Variants in PARD3B observed in about 807,000 individuals in gnomAD.
PARD3B encodes the protein partitioning defective 3 homolog B.
A neutral mutation model predicts 130.2 loss-of-function variants in PARD3B; 103 were observed. The ratio of observed to expected loss-of-function variants is 0.79; its 90% CI spans 0.67 to 0.93. The LOEUF is 0.93. Ranked by LOEUF, PARD3B falls within the 40% of genes least tolerant of loss-of-function variation. PARD3B has a pLI of 0.00. For synonymous variants in PARD3B, 583 were observed against 553.2 expected (o/e 1.05, Z -0.76); for missense variants, 1,609 against 1,499.2 (o/e 1.07, Z -1.21).
At chr2:205,103,829 C>T in intron 4 of PARD3B, 1 of 776,066 alleles carries the variant, frequency 1.3e-6, no homozygotes, top group Non-Finnish European at 1.6e-6. Flanking sequence ...GACCCTCTAA[C>T]CTTTCTGTAG....
intron 22 of PARD3B, among the ~76,000 whole-genome samples, chr2:205,582,098 C>A (rs1316839579): frequency 6.6e-6 from 1 of 152,214 alleles, no homozygotes; most frequent in African/African-American, 2.4e-5. Flanking sequence ...CTTGGGGTAC[C>A]TTTCCTGTAG....
At chr2:204,597,591 G>A (rs2033351292) in intron 1 of PARD3B, among the ~76,000 whole-genome samples, 1 of 152,180 alleles carries the variant, frequency 6.6e-6, no homozygotes, top group South Asian at 2.1e-4. Flanking sequence ...AGCAGGTGAT[G>A]TTGACCCTTT....
intron 1 of PARD3B, among the ~76,000 whole-genome samples, chr2:204,563,414 A>C (rs2031474417): frequency 6.6e-6 from 1 of 152,044 alleles, no homozygotes; most frequent in Admixed American, 6.5e-5. Context: ...TGGGATCTCA[A>C]CATACTGTGT....
intron 2 of PARD3B, among the ~76,000 whole-genome samples, chr2:204,883,996 C>G (rs1348967744): frequency 1.3e-5 from 2 of 152,082 alleles, no homozygotes; most frequent in Admixed American, 1.3e-4. Context: ...CTTGGCCTCC[C>G]AAAGTGTTGG....
At chr2:204,999,282 AAGG>A (rs1419595663) in intron 3 of PARD3B, among the ~76,000 whole-genome samples, 1 of 152,194 alleles carries the variant, frequency 6.6e-6, no homozygotes, top group African/African-American at 2.4e-5. Context: ...TAAGGAAAGA[AAGG>A]AGATGGAAGG....
chr2:204,980,926 T>C (rs948612142), intron 3 of PARD3B, among the ~76,000 whole-genome samples: 3 of 152,222 alleles, frequency 2.0e-5, no homozygotes, highest in Non-Finnish European at 4.4e-5. Flanking sequence ...TTAATAGTAA[T>C]GTATAAATGT....
intron 19 of PARD3B, among the ~76,000 whole-genome samples, chr2:205,403,810 T>A (rs1393380366): frequency 6.6e-6 from 1 of 152,186 alleles, no homozygotes; most frequent in Non-Finnish European, 1.5e-5. Context: ...TGAAAAATGA[T>A]ACACAGGATT....
Position 205,421,378 on chromosome 2 carries a change from T to G in PARD3B, c.2742-18992T>G, listed in dbSNP as rs535833835. 2.9e-4 allele frequency among the ~76,000 whole-genome samples: 44 copies of G among 152,302 alleles called. No homozygotes were observed. The highest frequency in any genetic ancestry group is 1.0e-3 in the African/African-American group (42 of 41,572). ...CCAATATAATTGTTATGTTTAACATTTAGAGCCATTTATGTGGGTTTCCTC... is the reference window on the plus strand; with the variant it reads ...CCAATATAATTGTTATGTTTAACATGTAGAGCCATTTATGTGGGTTTCCTC... On this transcript the variant is annotated intron_variant, in intron 19 of 22. Transcript: ENST00000406610. The surrounding 1 kb of genome is among the most constrained non-coding windows in gnomAD (Gnocchi z 5.1).
chr2:204,785,310 A>G (rs2041971665), intron 2 of PARD3B, among the ~76,000 whole-genome samples: 1 of 152,080 alleles, frequency 6.6e-6, no homozygotes, highest in Non-Finnish European at 1.5e-5. Flanking sequence ...TTCCCCGTGT[A>G]ATCTGGCACC....
At position 205,452,699 on chromosome 2, in the gene PARD3B, C is replaced by T. The variant is rs562851570; in HGVS notation, c.3044+12027C>T. On this transcript the variant is annotated intron_variant, in intron 20 of 22. Coordinates refer to ENST00000406610, the MANE Select transcript of PARD3B (RefSeq NM_001302769.2). ...TTGATGTTCTCATTAATTTTTTTCC[C>T]GTCGTCTGAGAGCCCTACCCTTGGG... is the stretch of plus-strand genomic sequence containing the variant. Among the ~76,000 whole-genome samples, 7 of 152,162 alleles carry T rather than the reference C, an allele frequency of 4.6e-5. No homozygotes were observed. In the East Asian group the frequency reaches 1.4e-3, roughly 29 times the overall value.
At chr2:205,299,872 T>C (rs192240821) in intron 16 of PARD3B, among the ~76,000 whole-genome samples, 69 of 152,352 alleles carry the variant, frequency 4.5e-4, no homozygotes, top group African/African-American at 1.3e-3. Flanking sequence ...AAAGTTGTTT[T>C]CTTTCTTGCT....
rs146481821 is a variant in PARD3B at position 205,120,239 on chromosome 2, G to A, written c.806+1193G>A. 6.1e-3 allele frequency among the ~76,000 whole-genome samples: 930 copies of A among 152,186 alleles called. 41 individuals carry two copies. Among genetic ancestry groups the A allele is most frequent in the Admixed American group, 0.052 (802 of 15,278 alleles). On this transcript the variant is annotated intron_variant, in intron 7 of 22. Transcript: ENST00000406610. ...CACAAGGACTTGATAATTATGCAAA[G>A]CAATCATTATTACTTCTGTTTTATA... is the stretch of plus-strand genomic sequence containing the variant.
intron 3 of PARD3B, among the ~76,000 whole-genome samples, chr2:205,002,939 C>T (rs1335397009): frequency 3.3e-5 from 5 of 152,184 alleles, no homozygotes; most frequent in Non-Finnish European, 2.9e-5. Context: ...CCTTGTAGGG[C>T]AAACACCACA....
chr2:204,664,905 A>G lies in PARD3B; in HGVS notation c.121-21276A>G, dbSNP rs2035958764. ...TCATTCTTTACCATGTTTGTTGGGC[A>G]TTAGTTTAAAAGCCTAGCATTTAAT... On this transcript the variant is annotated intron_variant, in intron 1 of 22. Coordinates refer to ENST00000406610, the MANE Select transcript of PARD3B (RefSeq NM_001302769.2). The surrounding 1 kb of genome is among the most constrained non-coding windows in gnomAD (Gnocchi z 5.2). Among the ~76,000 whole-genome samples, 1 of 152,160 alleles carries G rather than the reference A, an allele frequency of 6.6e-6. No homozygotes were observed. Among genetic ancestry groups the G allele is most frequent in the Non-Finnish European group, 1.5e-5 (1 of 68,028 alleles).
chr2:204,656,958 A>C (rs886738184), intron 1 of PARD3B, among the ~76,000 whole-genome samples: 4 of 152,178 alleles, frequency 2.6e-5, no homozygotes, highest in Non-Finnish European at 5.9e-5. Flanking sequence ...CTGAGCCATT[A>C]AGAGTAAGAT....
chr2:205,579,216 C>T (rs536488586), intron 22 of PARD3B, among the ~76,000 whole-genome samples: 30 of 152,004 alleles, frequency 2.0e-4, no homozygotes, highest in Admixed American at 1.6e-3. Flanking sequence ...TCAAAATGGT[C>T]GGGGGTGGAG....
rs189412404 is a variant in PARD3B, at chr2:204,810,119, G to A, written c.222+123837G>A. Among the ~76,000 whole-genome samples the A allele has an allele frequency of 3.8e-3, 575 of 151,938 alleles. 6 individuals carry two copies. Among genetic ancestry groups the A allele is most frequent in the African/African-American group, 0.012 (517 of 41,456 alleles). On this transcript the variant is annotated intron_variant, in intron 2 of 22. Coordinates refer to ENST00000406610, the MANE Select transcript of PARD3B (RefSeq NM_001302769.2). Reference sequence around the variant, plus strand: ...TTAATCCTGAAATTTTGGTGAATTTGTTTATCAGCTGAAGGAGCTTTTGGG... The same window carrying A: ...TTAATCCTGAAATTTTGGTGAATTTATTTATCAGCTGAAGGAGCTTTTGGG...
rs2036191885 is a variant in PARD3B, at chr2:204,669,611, A to G, written c.121-16570A>G. Among the ~76,000 whole-genome samples, 1 of 152,172 alleles carries G rather than the reference A, an allele frequency of 6.6e-6. No individual in the cohort carries two copies. The highest frequency in any genetic ancestry group is 6.6e-5 in the Admixed American group (1 of 15,254). ...CATTTCCTATTTGGTTTATCAGGGA[A>G]CACTATTTCCTTGGTTGCAATAAAT... On this transcript the variant is annotated intron_variant, in intron 1 of 22. Coordinates refer to ENST00000406610, the MANE Select transcript of PARD3B (RefSeq NM_001302769.2). The surrounding 1 kb of genome is among the most constrained non-coding windows in gnomAD (Gnocchi z 4.3).
chr2:205,388,957 C>A (rs1245400777), intron 18 of PARD3B, among the ~76,000 whole-genome samples: 2 of 152,116 alleles, frequency 1.3e-5, no homozygotes, highest in African/African-American at 4.8e-5. Flanking sequence ...TCCCAAATTT[C>A]TAAACTCAAA....
Sources: gnomAD v4.1 joint callset for allele counts (sites outside exome capture counted in the v4.1 genomes callset) on GRCh38, gnomAD v4.1.1 for gene constraint, Gnocchi (gnomAD v3.1) non-coding constraint, MANE v1.5 for transcripts, NCBI Gene and HGNC (gene_info 2026-07-23, HGNC 2026-07-21) for gene names.